The following KANK1 variants were observed in gnomAD, a reference collection of about 807,000 sequenced individuals.
The protein encoded by KANK1 is KN motif and ankyrin repeat domain-containing protein 1.
In KANK1, 109 loss-of-function variants were observed where a neutral mutation model predicts 106.2. That is an observed-to-expected ratio of 1.03 (90% CI 0.88 to 1.20). KANK1 has a LOEUF of 1.20. Ranked by LOEUF, KANK1 falls within the 50% of genes most tolerant of loss-of-function variation. The probability of loss-of-function intolerance (pLI) is 0.00; values close to 1 mark genes in which losing one functional copy is unlikely to be tolerated. For synonymous variants in KANK1, 873 were observed against 652.2 expected (o/e 1.34, Z -5.16); for missense variants, 2,399 against 1,710.7 (o/e 1.40, Z -7.10).
chr9:626,992 A>G (rs536446503), intron 1 of KANK1, among the ~76,000 whole-genome samples: 14 of 152,074 alleles, frequency 9.2e-5, no homozygotes, highest in Admixed American at 5.2e-4. Flanking sequence ...CTGTGTAGCT[A>G]TTTTGGTCTT....
chr9:508,905 G>A (rs979578380), intron 1 of KANK1, among the ~76,000 whole-genome samples: 2 of 152,050 alleles, frequency 1.3e-5, no homozygotes, highest in African/African-American at 2.4e-5. Context: ...GTGTACATTT[G>A]TACAAATTCT....
chr9:530,501 A>C (rs374495330), intron 1 of KANK1, among the ~76,000 whole-genome samples: 415 of 152,140 alleles, frequency 2.7e-3, no homozygotes, highest in Non-Finnish European at 5.0e-3. Flanking sequence ...CCCCATGCCT[A>C]TGTGTCTGTT....
At chr9:521,466 C>G (rs751842026) in intron 1 of KANK1, among the ~76,000 whole-genome samples, 9 of 151,494 alleles carry the variant, frequency 5.9e-5, no homozygotes, top group Non-Finnish European at 1.0e-4. Flanking sequence ...CTGCTTCCAG[C>G]TCTTAGTGAA....
intron 1 of KANK1, among the ~76,000 whole-genome samples, chr9:603,926 TC>T (rs546453573): frequency 2.3e-3 from 328 of 143,774 alleles, no homozygotes; most frequent in Non-Finnish European, 4.1e-3. Context: ...GTCACTGTAT[TC>T]CAGCTTGGGT....
chr9:572,011 G>A (rs577257631), intron 1 of KANK1, among the ~76,000 whole-genome samples: 3 of 152,150 alleles, frequency 2.0e-5, no homozygotes, highest in South Asian at 2.1e-4. Flanking sequence ...TTTTTCTGCC[G>A]TCCAACTTTG....
intron 1 of KANK1, among the ~76,000 whole-genome samples, chr9:558,068 C>G (rs144799199): frequency 5.9e-5 from 9 of 152,074 alleles, no homozygotes; most frequent in East Asian, 1.9e-4. Flanking sequence ...GAGTGAAGAT[C>G]GGATTAGTCA....
At chr9:632,672 A>T (rs925088723) in intron 1 of KANK1, among the ~76,000 whole-genome samples, 2 of 152,028 alleles carry the variant, frequency 1.3e-5, no homozygotes, top group African/African-American at 4.8e-5. Flanking sequence ...TCATGAGATA[A>T]TGAGAGTGGT....
chr9:598,498 G>T (rs1264581882), intron 1 of KANK1, among the ~76,000 whole-genome samples: 2 of 150,564 alleles, frequency 1.3e-5, no homozygotes, highest in African/African-American at 2.5e-5. Context: ...ATGAATATAG[G>T]ATGTATTTCC....
intron 1 of KANK1, among the ~76,000 whole-genome samples, chr9:642,312 G>A (rs920816752): frequency 6.6e-6 from 1 of 150,822 alleles, no homozygotes; most frequent in Non-Finnish European, 1.5e-5. Context: ...CAAAGATAGC[G>A]GAAGGGAATA....
chr9:651,273 C>G (rs1156552283), intron 1 of KANK1, among the ~76,000 whole-genome samples: 2 of 152,110 alleles, frequency 1.3e-5, no homozygotes, highest in African/African-American at 4.8e-5. Flanking sequence ...TTATATTTTT[C>G]TTTATATTCT....
chr9:531,842 T>A (rs73369096), intron 1 of KANK1, among the ~76,000 whole-genome samples: 7,876 of 152,282 alleles, frequency 0.052, 216 homozygotes, highest in African/African-American at 0.07. Context: ...ATGTGGCTGC[T>A]TCTGTGTGTG....
chr9:713,003 C>G lies in KANK1; in HGVS notation c.2237C>G (p.Ser746Cys), dbSNP rs768456775. 1.9e-6 allele frequency: 3 copies of G among 1,614,030 alleles called. No homozygotes were observed. The highest frequency in any genetic ancestry group is 2.5e-6 in the Non-Finnish European group (3 of 1,180,040). The change falls in exon 3 of 12, where the codon TCT becomes TGT. Residue 746 changes from serine to cysteine, a missense_variant. Transcript: ENST00000382297. ...IGVGTLLSGH[S>C]GFDRPSAVKT... ...GTTGGAACGTTGCTTTCTGGCCATT[C>G]TGGGTTTGACAGGCCATCAGCTGTG... is the stretch of plus-strand genomic sequence containing the variant.
intron 1 of KANK1, among the ~76,000 whole-genome samples, chr9:610,383 G>C (rs1030381895): frequency 6.6e-6 from 1 of 151,586 alleles, no homozygotes; most frequent in African/African-American, 2.4e-5. Flanking sequence ...AATGAGAAAA[G>C]ATAGTCCTGA....
intron 1 of KANK1, among the ~76,000 whole-genome samples, chr9:644,297 G>C (rs1357183931): frequency 6.6e-6 from 1 of 151,008 alleles, no homozygotes; most frequent in African/African-American, 2.5e-5. Context: ...TAATGTTTCA[G>C]TCAAGATGGT....
chr9:508,121 CTTTTTTTTTTTTTTTTTTTTT>C (rs71314711), intron 1 of KANK1, among the ~76,000 whole-genome samples: 9 of 39,156 alleles, frequency 2.3e-4, no homozygotes, highest in African/African-American at 6.6e-4. Flanking sequence ...CCTGCTCAGC[CTTTTTTTTTTTTTTTTTTTTT>C]TTTTTTTTTT....
intron 2 of KANK1, among the ~76,000 whole-genome samples, chr9:677,846 T>A (rs963165339): frequency 6.6e-6 from 1 of 152,178 alleles, no homozygotes. Flanking sequence ...CCAGGAAACC[T>A]GAATTTGAGT....
intron 3 of KANK1, chr9:473,279 T>A (rs923827902): frequency 8.5e-5 from 13 of 152,134 alleles, no homozygotes; most frequent in African/African-American, 3.1e-4. Context: ...TGAACGTGAG[T>A]CTGACTGATT....
At chr9:593,953 G>A (rs1230220852) in intron 1 of KANK1, among the ~76,000 whole-genome samples, 4 of 152,036 alleles carry the variant, frequency 2.6e-5, no homozygotes, top group South Asian at 4.1e-4. Flanking sequence ...TAAATTTGGA[G>A]TAGGTGAGGG....
chr9:611,177 A>C (rs1309353265), intron 1 of KANK1, among the ~76,000 whole-genome samples: 1 of 152,150 alleles, frequency 6.6e-6, no homozygotes, highest in South Asian at 2.1e-4. Flanking sequence ...TGTCGCTGTC[A>C]GCCCCCTGAG....
Sources: gnomAD v4.1 joint callset for allele counts (sites outside exome capture counted in the v4.1 genomes callset) on GRCh38, gnomAD v4.1.1 for gene constraint, MANE v1.5 for transcripts, NCBI Gene and HGNC (gene_info 2026-07-23, HGNC 2026-07-21) for gene names.